Variants in EGFLAM observed in about 807,000 individuals in gnomAD.
EGFLAM encodes the protein EGF like, fibronectin type III and laminin G domains.
A neutral mutation model predicts 113.1 loss-of-function variants in EGFLAM; 79 were observed. That is an observed-to-expected ratio of 0.70 (90% confidence interval 0.58 to 0.84). The LOEUF (loss-of-function observed/expected upper bound fraction) is 0.84, where lower values mean the gene tolerates loss of function less well. Ranked by LOEUF, EGFLAM falls within the 40% of genes least tolerant of loss-of-function variation. The probability of loss-of-function intolerance (pLI) is 0.00; values close to 1 mark genes in which losing one functional copy is unlikely to be tolerated. For synonymous variants in EGFLAM, 504 were observed against 487.6 expected (o/e 1.03, Z -0.44); for missense variants, 1,265 against 1,291.6 (o/e 0.98, Z 0.32).
chr5:38,273,616 A>T (rs1757817924), intron 1 of EGFLAM, among the ~76,000 whole-genome samples: 1 of 152,258 alleles, frequency 6.6e-6, no homozygotes, highest in South Asian at 2.1e-4. Context: ...TGGCTGTGAC[A>T]GACCTGGGCT....
chr5:38,440,356 C>T (rs1211973087), intron 17 of EGFLAM, among the ~76,000 whole-genome samples: 1 of 152,180 alleles, frequency 6.6e-6, no homozygotes, highest in Non-Finnish European at 1.5e-5. Flanking sequence ...TGGCCCCTAT[C>T]CCATAATTTC....
At chr5:38,301,323 C>CAAA (rs1031064567) in intron 1 of EGFLAM, among the ~76,000 whole-genome samples, 3 of 152,140 alleles carry the variant, frequency 2.0e-5, no homozygotes, top group African/African-American at 7.2e-5. Context: ...GATCACCTTG[C>CAAA]AAATGCTGTT....
chr5:38,461,118 G>A (rs1007613970), intron 20 of EGFLAM: 2 of 152,158 alleles, frequency 1.3e-5, no homozygotes, highest in Non-Finnish European at 2.9e-5. Context: ...ATCATGCCCT[G>A]TGCTTTGTAC....
At chr5:38,358,454 A>T (rs1183721933) in intron 5 of EGFLAM, among the ~76,000 whole-genome samples, 2 of 151,060 alleles carry the variant, frequency 1.3e-5, no homozygotes, top group African/African-American at 4.9e-5. Context: ...CTCAAAAAAA[A>T]AAAAAAAAAA....
chr5:38,287,032 T>C (rs939527675), intron 1 of EGFLAM, among the ~76,000 whole-genome samples: 1 of 152,236 alleles, frequency 6.6e-6, no homozygotes, highest in African/African-American at 2.4e-5. Flanking sequence ...CACAGGAAAT[T>C]GACAGATTAT....
intron 1 of EGFLAM, among the ~76,000 whole-genome samples, chr5:38,280,585 G>A (rs773411307): frequency 2.6e-5 from 4 of 152,244 alleles, no homozygotes; most frequent in Middle Eastern, 3.4e-3. Context: ...GGCCCACCAT[G>A]GCTTCCAACT....
chr5:38,369,044 A>T (rs1740139639), intron 5 of EGFLAM, among the ~76,000 whole-genome samples: 1 of 152,124 alleles, frequency 6.6e-6, no homozygotes, highest in Admixed American at 6.5e-5. Context: ...ATGCACAATT[A>T]TTTCCAACTT....
chr5:38,449,150 C>A (rs76269051), intron 18 of EGFLAM, among the ~76,000 whole-genome samples: 3,206 of 152,266 alleles, frequency 0.021, 105 homozygotes, highest in African/African-American at 0.073. Flanking sequence ...GTGTGCTATT[C>A]CCCTTTCTGC....
chr5:38,445,543 G>C (rs1279262805), intron 17 of EGFLAM: 2 of 1,581,626 alleles, frequency 1.3e-6, no homozygotes, highest in African/African-American at 2.7e-5. Flanking sequence ...CTAAGAGGAC[G>C]TTCTGGACTC....
At chr5:38,373,210 T>C (rs1251916650) in intron 6 of EGFLAM, among the ~76,000 whole-genome samples, 1 of 145,962 alleles carries the variant, frequency 6.9e-6, no homozygotes, top group African/African-American at 2.7e-5. Flanking sequence ...GTCCCCTTTT[T>C]ACAGATTAAA....
Position 38,463,021 on chromosome 5 carries a change from C to T in EGFLAM, c.2875+10C>T, listed in dbSNP as rs763797121. The T allele has an allele frequency of 1.2e-5, 20 of 1,607,000 alleles. No individual in the cohort carries two copies. Among genetic ancestry groups the T allele is most frequent in the African/African-American group, 6.7e-5 (5 of 74,756 alleles). On this transcript the variant is annotated intron_variant, in intron 21 of 21. Transcript: ENST00000322350. ...GGAGCTCTGTATGTGGGTAAGTGAC[C>T]GACCCTCGACCAAAGCAAAATTAGG...
intron 1 of EGFLAM, among the ~76,000 whole-genome samples, chr5:38,295,459 A>T (rs1758431226): frequency 6.6e-6 from 1 of 152,242 alleles, no homozygotes; most frequent in African/African-American, 2.4e-5. Context: ...TTTAGATTGA[A>T]AAACTGCTGA....
At position 38,392,462 on chromosome 5, in the gene EGFLAM, G is replaced by A. The variant is rs571008565; in HGVS notation, c.713-13664G>A. ...ATGGTAGAATGATTTATATTCCTCT[G>A]GGTCTATACCCACTAATGGCATTGC... On this transcript the variant is annotated intron_variant, in intron 6 of 21. Transcript: ENST00000322350. 2.0e-4 allele frequency among the ~76,000 whole-genome samples: 31 copies of A among 152,236 alleles called. No homozygotes were observed. In the South Asian group the frequency reaches 4.2e-3, roughly 20 times the overall value.
At chr5:38,456,516 G>A (rs184789105) in intron 19 of EGFLAM, among the ~76,000 whole-genome samples, 16 of 152,320 alleles carry the variant, frequency 1.1e-4, no homozygotes, top group African/African-American at 3.1e-4. Context: ...GGTACTTGAT[G>A]TGGGAAAACT....
At chr5:38,261,989 A>G (rs1757511040) in intron 1 of EGFLAM, among the ~76,000 whole-genome samples, 1 of 152,212 alleles carries the variant, frequency 6.6e-6, no homozygotes. Context: ...CGGTGTGGAC[A>G]CACCACTCAT....
At chr5:38,370,852 C>T (rs1266590928) in intron 6 of EGFLAM, among the ~76,000 whole-genome samples, 6 of 152,054 alleles carry the variant, frequency 3.9e-5, no homozygotes, top group East Asian at 3.9e-4. Context: ...CGTTCGTGTT[C>T]GCCTGAAAAT....
intron 17 of EGFLAM, among the ~76,000 whole-genome samples, chr5:38,444,639 G>C (rs1434072341): frequency 6.6e-6 from 1 of 152,000 alleles, no homozygotes; most frequent in East Asian, 1.9e-4. Flanking sequence ...TAGGTATAGG[G>C]TTAGGTTAAA....
chr5:38,258,841 C>G lies in EGFLAM; in HGVS notation c.87C>G (p.Ile29Met). The G allele has an allele frequency of 6.2e-7, 1 of 1,611,816 alleles. No individual in the cohort carries two copies. Among genetic ancestry groups the G allele is most frequent in the Non-Finnish European group, 8.5e-7 (1 of 1,179,302 alleles). Residue 29 changes from isoleucine (I) to methionine (M), a missense_variant, in exon 1 of 22, where the codon ATC becomes ATG. Transcript: ENST00000322350. ...GPGAVSLRAAIRKPGKVGPPL... is the reference protein window; with the variant it reads ...GPGAVSLRAAMRKPGKVGPPL... ...GCGCGGTGTCGCTCCGAGCGGCCAT[C>G]CGAAAACCAGGTAATGCGCTCCTCC...
intron 5 of EGFLAM, among the ~76,000 whole-genome samples, chr5:38,366,140 C>A (rs1339438478): frequency 6.6e-6 from 1 of 152,158 alleles, no homozygotes; most frequent in Non-Finnish European, 1.5e-5. Context: ...TCCACCTAAG[C>A]CAGCAGTACC....
Sources: allele counts gnomAD v4.1 joint callset (sites outside exome capture counted in the v4.1 genomes callset), GRCh38; gene constraint gnomAD v4.1.1; transcripts MANE v1.5; gene names NCBI Gene and HGNC (gene_info 2026-07-23, HGNC 2026-07-21).